PDS5B: variants seen among roughly 807,000 people sequenced by gnomAD.
The protein encoded by PDS5B is PDS5 cohesin associated factor B, also known as sister chromatid cohesion protein PDS5 homolog B.
A neutral mutation model predicts 184.1 loss-of-function variants in PDS5B; 51 were observed. That is an observed-to-expected ratio of 0.28 (90% CI 0.22 to 0.35). The LOEUF (loss-of-function observed/expected upper bound fraction) is 0.35. PDS5B is among the 10% of genes least tolerant of loss of function. PDS5B has a pLI of 1.00. For missense variants in PDS5B, 1,180 were observed against 1,723.3 expected (o/e 0.68, Z 5.58); for synonymous variants, 566 against 569.2 (o/e 0.99, Z 0.08).
intron 7 of PDS5B, among the ~76,000 whole-genome samples, chr13:32,668,419 G>T (rs893269039): frequency 6.6e-6 from 1 of 152,126 alleles, no homozygotes; most frequent in Non-Finnish European, 1.5e-5. Context: ...ACTTACTTAT[G>T]GTTGACTATC....
intron 6 of PDS5B, among the ~76,000 whole-genome samples, chr13:32,660,328 G>T (rs952925353): frequency 1.3e-5 from 2 of 152,178 alleles, no homozygotes; most frequent in African/African-American, 4.8e-5. Flanking sequence ...TATTAAATGA[G>T]CTGTAAAAAT....
At chr13:32,767,533 T>G (rs570459171) in intron 31 of PDS5B, among the ~76,000 whole-genome samples, 1 of 152,290 alleles carries the variant, frequency 6.6e-6, no homozygotes, top group South Asian at 2.1e-4. Flanking sequence ...CAGATGTACA[T>G]TTAGGGGAAA....
chr13:32,678,962 C>T (rs370575000), intron 10 of PDS5B, 33 bp downstream of exon 10: 28 of 1,156,302 alleles, frequency 2.4e-5, no homozygotes, highest in Middle Eastern at 1.9e-4. Flanking sequence ...AATATTCTTA[C>T]GTGCTCTTCA....
rs115456984 is a variant in PDS5B, at chr13:32,623,346, T to C, written c.-19-25408T>C. ...AAAAAGGGGGCTAGGGGACAATGACTGGTTACTGTTTATCCTTATATCTTA... is the reference window on the plus strand; with the variant it reads ...AAAAAGGGGGCTAGGGGACAATGACCGGTTACTGTTTATCCTTATATCTTA... On this transcript the variant is annotated intron_variant, in intron 1 of 34. Coordinates refer to ENST00000315596, the MANE Select transcript of PDS5B (RefSeq NM_015032.4). 8.5e-3 allele frequency among the ~76,000 whole-genome samples: 1,291 copies of C among 152,352 alleles called. 21 individuals carry two copies. Among genetic ancestry groups the C allele is most frequent in the African/African-American group, 0.03 (1,247 of 41,580 alleles).
rs542416060 is a variant in PDS5B, at chr13:32,693,615, G to T, written c.1470-608G>T. Among the ~76,000 whole-genome samples, 3 of 150,552 alleles carry T rather than the reference G, an allele frequency of 2.0e-5. No individual in the cohort carries two copies. The South Asian group carries it at 6.2e-4, about 31-fold the overall frequency. ...TTCCTTAAAAATTTTTAATTGTGTG[G>T]CTCTAATCTGTAACCAAGTGTTTCA... On this transcript the variant is annotated intron_variant, in intron 13 of 34. Coordinates refer to ENST00000315596, the MANE Select transcript of PDS5B (RefSeq NM_015032.4).
chr13:32,740,590 A>G (rs1401147624), intron 21 of PDS5B, among the ~76,000 whole-genome samples: 2 of 152,088 alleles, frequency 1.3e-5, no homozygotes, highest in Non-Finnish European at 2.9e-5. Context: ...CCTGGTTACT[A>G]CTGTAAACAC....
chr13:32,625,483 T>C (rs1410611459), intron 1 of PDS5B, among the ~76,000 whole-genome samples: 2 of 152,256 alleles, frequency 1.3e-5, no homozygotes, highest in South Asian at 4.1e-4. Context: ...TGTTTAATTT[T>C]ACATAACCTG....
intron 31 of PDS5B, 113 bp downstream of exon 31, chr13:32,764,707 T>A (rs1593642364): frequency 1.8e-6 from 1 of 560,156 alleles, no homozygotes. Flanking sequence ...TTATTTTATT[T>A]TAGTGGTTTT....
chr13:32,759,561 G>A, intron 28 of PDS5B, 67 bp from the exon 29 acceptor site: 2 of 676,614 alleles, frequency 3.0e-6, no homozygotes, highest in Admixed American at 3.0e-5. Context: ...TTGCTTTGTT[G>A]GCTTTTGAAC....
intron 25 of PDS5B, 98 bp downstream of exon 25, chr13:32,753,634 T>G: frequency 2.7e-6 from 2 of 744,216 alleles, no homozygotes. Flanking sequence ...TATTTATTAT[T>G]TGTGATTAAC....
chr13:32,760,802 T>C, intron 30 of PDS5B, 82 bp downstream of exon 30: 1 of 1,300,912 alleles, frequency 7.7e-7, no homozygotes, highest in Admixed American at 2.4e-5. Context: ...ATCCAAAATG[T>C]TTCATGTCAG....
intron 1 of PDS5B, among the ~76,000 whole-genome samples, chr13:32,594,217 G>A (rs963370965): frequency 6.6e-6 from 1 of 152,162 alleles, no homozygotes; most frequent in African/African-American, 2.4e-5. Context: ...CAAATGCTTA[G>A]GTTGGTGCCA....
At position 32,741,063 on chromosome 13, in the gene PDS5B, T is replaced by C. The variant is rs1953529114; in HGVS notation, c.2407-17T>C. On this transcript the variant is annotated splice_polypyrimidine_tract_variant and intron_variant, in intron 21 of 34. Coordinates refer to ENST00000315596, the MANE Select transcript of PDS5B (RefSeq NM_015032.4). ...TTTAAAGTCCCTGGTTTTTTTTTTT[T>C]TCTCGTTTATTTTTAGCTTCCAGGG... The C allele has an allele frequency of 2.2e-6, 3 of 1,377,008 alleles. No homozygotes were observed. The highest frequency in any genetic ancestry group is 4.5e-5 in the East Asian group (2 of 44,080). 85.3% of individuals were successfully genotyped at this position (1,377,008 alleles called of 1,614,324 possible). A position where few individuals can be genotyped will look rare whatever the true frequency, so the allele number is the denominator to read the frequency against.
At chr13:32,764,307 C>T (rs1327616494) in intron 30 of PDS5B, among the ~76,000 whole-genome samples, 182 bp from the exon 31 acceptor site, 2 of 152,012 alleles carry the variant, frequency 1.3e-5, no homozygotes, top group African/African-American at 4.8e-5. Context: ...AATTTTCTCA[C>T]TATATTAAAT....
intron 9 of PDS5B, among the ~76,000 whole-genome samples, chr13:32,676,932 CAAAAAAA>C (rs4057303): frequency 2.9e-4 from 23 of 78,818 alleles, no homozygotes; most frequent in African/African-American, 1.0e-3. Flanking sequence ...CTCTTGTCTC[CAAAAAAA>C]AAAAAAAAAA....
In PDS5B at chr13:32,675,944, A is replaced by G; in HGVS notation, c.947A>G (p.Gln316Arg). The part of the protein sequence containing the change: ...ELASQNKPLW[Q>R]CYLGRFNDIH... Reference sequence around the variant, plus strand: ...GCTTCTCAAAACAAGCCACTTTGGCAGTGCTACTTGGGCAGGTATATGATT... The same window carrying G: ...GCTTCTCAAAACAAGCCACTTTGGCGGTGCTACTTGGGCAGGTATATGATT... The change falls in exon 9 of 35, where the codon CAG (glutamine) becomes CGG (arginine). Residue 316 changes from glutamine to arginine, a missense_variant. By Grantham distance (43) the Gln-to-Arg change is conservative. Transcript: ENST00000315596. 1 of 1,610,226 alleles carries G rather than the reference A, an allele frequency of 6.2e-7. No individual in the cohort carries two copies. Among genetic ancestry groups the G allele is most frequent in the Non-Finnish European group, 8.5e-7 (1 of 1,176,506 alleles).
chr13:32,696,216 T>A (rs1951698563), intron 14 of PDS5B, among the ~76,000 whole-genome samples: 1 of 152,146 alleles, frequency 6.6e-6, no homozygotes, highest in Non-Finnish European at 1.5e-5. Context: ...GTACTTTAAA[T>A]ACACTTGCTC....
At chr13:32,685,130 C>T (rs969073710) in intron 11 of PDS5B, among the ~76,000 whole-genome samples, 10 of 151,950 alleles carry the variant, frequency 6.6e-5, no homozygotes, top group African/African-American at 1.9e-4. Context: ...AACATTGTAA[C>T]GGGTTGATCA....
At chr13:32,661,153 G>T (rs980362197) in intron 6 of PDS5B, among the ~76,000 whole-genome samples, 1 of 152,018 alleles carries the variant, frequency 6.6e-6, no homozygotes, top group Non-Finnish European at 1.5e-5. Context: ...GGAAACCAAG[G>T]TGGGTGGATC....
Sources: allele counts gnomAD v4.1 joint callset (sites outside exome capture counted in the v4.1 genomes callset), GRCh38; gene constraint gnomAD v4.1.1; transcripts MANE v1.5; gene names NCBI Gene and HGNC (gene_info 2026-07-23, HGNC 2026-07-21).